Variants in AMOTL2 observed in about 807,000 individuals in gnomAD.
The protein encoded by AMOTL2 is angiomotin like 2.
AMOTL2 carries 33 observed loss-of-function variants against 78.4 expected under a neutral mutation model. The ratio of observed to expected loss-of-function variants is 0.42; its 90% CI spans 0.32 to 0.56. The LOEUF is 0.56. Ranked by LOEUF, AMOTL2 falls within the 20% of genes least tolerant of loss-of-function variation. The pLI is 0.12. For missense variants in AMOTL2, 983 were observed against 1,030.1 expected, an observed-to-expected ratio of 0.95 and a Z score of 0.63; for synonymous variants, 422 against 428.8, an observed-to-expected ratio of 0.98 and a Z score of 0.20.
Position 134,366,441 on chromosome 3 carries a change from A to AC in AMOTL2, c.1042-15dup. 3 of 1,609,020 alleles carry AC rather than the reference A, an allele frequency of 1.9e-6. No individual in the cohort carries two copies. Among genetic ancestry groups the AC allele is most frequent in the Non-Finnish European group, 2.5e-6 (3 of 1,178,742 alleles). ...TTCGCTTTCCAGCTGCAAGAGTCAG[A>AC]CAGCAGAGCTGAATGAAGGCGAGAG... On this transcript the variant is annotated splice_polypyrimidine_tract_variant and intron_variant, in intron 3 of 9. Transcript: ENST00000249883.
intron 8 of AMOTL2, 33 bp downstream of exon 8, chr3:134,359,248 CCT>C: frequency 6.2e-7 from 1 of 1,604,870 alleles, no homozygotes; most frequent in Non-Finnish European, 8.5e-7. Context: ...GGAGAAATTA[CCT>C]CTCAATCTAT....
intron 5 of AMOTL2, among the ~76,000 whole-genome samples, chr3:134,363,698 T>G (rs566630500): frequency 6.1e-4 from 93 of 152,248 alleles, no homozygotes; most frequent in African/African-American, 2.0e-3. Context: ...CAGATGGCAT[T>G]GGTGATAATG....
intron 5 of AMOTL2, among the ~76,000 whole-genome samples, chr3:134,365,219 A>C (rs2107742140): frequency 6.6e-6 from 1 of 152,346 alleles, no homozygotes; most frequent in South Asian, 2.1e-4. Flanking sequence ...CCAGTTGCTT[A>C]AAACACATCT....
chr3:134,363,447 G>T (rs559505476), intron 5 of AMOTL2, among the ~76,000 whole-genome samples: 26 of 152,322 alleles, frequency 1.7e-4, no homozygotes, highest in African/African-American at 5.8e-4. Flanking sequence ...GTCCACCTGT[G>T]CGTTCAGTTT....
chr3:134,364,382 G>A (rs2017518212), intron 5 of AMOTL2, among the ~76,000 whole-genome samples: 1 of 152,042 alleles, frequency 6.6e-6, no homozygotes, highest in African/African-American at 2.4e-5. Flanking sequence ...TCACCCACTA[G>A]CAAGCTCCCA....
intron 5 of AMOTL2, among the ~76,000 whole-genome samples, chr3:134,362,287 C>T (rs765765954): frequency 6.6e-6 from 1 of 152,196 alleles, no homozygotes; most frequent in African/African-American, 2.4e-5. Flanking sequence ...CATCGGCTGT[C>T]GGCACACCAG....
chr3:134,374,236 G>A, intron 1 of AMOTL2, 106 bp downstream of exon 1: 3 of 985,402 alleles, frequency 3.0e-6, no homozygotes, highest in African/African-American at 1.7e-5. Context: ...GATCCTCGAG[G>A]CTCCGACTCC....
At chr3:134,361,170 CA>C (rs969648340) in intron 6 of AMOTL2, among the ~76,000 whole-genome samples, 212 of 138,440 alleles carry the variant, frequency 1.5e-3, no homozygotes, top group Non-Finnish European at 1.6e-3. Flanking sequence ...GATTCCATCT[CA>C]AAAAAAAAAA....
At chr3:134,366,238 C>G in intron 4 of AMOTL2, 45 bp downstream of exon 4, 1 of 1,595,818 alleles carries the variant, frequency 6.3e-7, no homozygotes, top group African/African-American at 1.4e-5. Flanking sequence ...GAAGTAAGTC[C>G]TCTGCAGAGG....
upstream of AMOTL2, chr3:134,375,290 C>T (rs1431680578): frequency 5.3e-6 from 8 of 1,512,724 alleles, no homozygotes; most frequent in South Asian, 3.6e-5. Context: ...GCTGGCTTTT[C>T]GCCCAGTCAT....
chr3:134,365,090 C>T (rs1300578077), intron 5 of AMOTL2, among the ~76,000 whole-genome samples: 1 of 152,140 alleles, frequency 6.6e-6, no homozygotes, highest in African/African-American at 2.4e-5. Context: ...TCTAGGGCCA[C>T]CCCCGTTGTT....
chr3:134,370,605 C>T lies in AMOTL2; in HGVS notation c.734+95G>A, dbSNP rs931024823. 5 of 1,443,820 alleles carry T rather than the reference C, an allele frequency of 3.5e-6. No individual in the cohort carries two copies. The African/African-American group carries it at 7.1e-5, about 20-fold the overall frequency. 89.4% of individuals were successfully genotyped at this position (1,443,820 alleles called of 1,614,324 possible). ...TTGGAGGTGGGGTGGATCTTGCTAG[C>T]TCTGACACAAGCTGTGATCTTGAGG... On this transcript the variant is annotated intron_variant, in intron 2 of 9. Coordinates refer to ENST00000249883, the MANE Select transcript of AMOTL2 (RefSeq NM_016201.4).
At chr3:134,374,937 G>A (rs1228578990), upstream of AMOTL2, 19 of 1,331,486 alleles carry the variant, frequency 1.4e-5, no homozygotes, top group East Asian at 4.8e-4. Flanking sequence ...GCGTGTGTGT[G>A]TACCGGGGGA....
At chr3:134,361,258 G>A (rs1399905000) in intron 6 of AMOTL2, among the ~76,000 whole-genome samples, 3 of 152,262 alleles carry the variant, frequency 2.0e-5, no homozygotes, top group Admixed American at 1.3e-4. Flanking sequence ...TGCTGCTGCC[G>A]AGGACAGGAG....
chr3:134,370,613 CA>C (rs2017803542), intron 2 of AMOTL2, 86 bp downstream of exon 2: 1 of 1,458,522 alleles, frequency 6.9e-7, no homozygotes, highest in Admixed American at 2.4e-5. Context: ...AGCTCTGACA[CA>C]AGCTGTGATC....
At chr3:134,361,092 T>G (rs1174499823) in intron 6 of AMOTL2, among the ~76,000 whole-genome samples, 1 of 152,144 alleles carries the variant, frequency 6.6e-6, no homozygotes, top group Non-Finnish European at 1.5e-5. Context: ...GAGAATGGCT[T>G]GAACCTGGGA....
chr3:134,359,171 C>T, intron 8 of AMOTL2, 112 bp downstream of exon 8: 1 of 1,201,122 alleles, frequency 8.3e-7, no homozygotes, highest in Non-Finnish European at 1.2e-6. Context: ...GGAAGAGGGT[C>T]AGGAAGCCCT....
At position 134,370,732 on chromosome 3, in the gene AMOTL2, G is replaced by A. The variant is rs34700505; in HGVS notation, c.702C>T (p.Arg234=). ...CAGCATGCTGGAAGTGCGGGCTGCC[G>A]CGGGCACGGTACCGTGGGTCAGTGA... ...TAVTDPRYRA[R]GSPHFQHAEV... Residue 234 remains arginine (R), a synonymous_variant, in exon 2 of 10, where the codon CGC becomes CGT. Coordinates refer to ENST00000249883, the MANE Select transcript of AMOTL2 (RefSeq NM_016201.4). 2.2e-3 allele frequency: 3,371 copies of A among 1,511,526 alleles called. 62 individuals carry two copies. The African/African-American group carries it at 0.04, about 18-fold the overall frequency. The allele number at this position is 1,511,526 out of a possible 1,614,324, so 93.6% of individuals were successfully genotyped here. A position where few individuals can be genotyped will look rare whatever the true frequency, so the allele number is the denominator to read the frequency against.
At chr3:134,373,977 C>A (rs1011147843) in intron 1 of AMOTL2, 4 of 407,508 alleles carry the variant, frequency 9.8e-6, no homozygotes, top group Non-Finnish European at 1.3e-5. Context: ...GCCCGCAGGA[C>A]CCTGCAACTT....
Sources: gnomAD v4.1 joint callset for allele counts (sites outside exome capture counted in the v4.1 genomes callset) on GRCh38, gnomAD v4.1.1 for gene constraint, MANE v1.5 for transcripts, NCBI Gene and HGNC (gene_info 2026-07-23, HGNC 2026-07-21) for gene names.